Variants in ZFAND3 observed in about 807,000 individuals in gnomAD.
ZFAND3 encodes AN1-type zinc finger protein 3.
In ZFAND3, 10 loss-of-function variants were observed where a neutral mutation model predicts 29.6. The observed-to-expected ratio is 0.34, with a 90% CI of 0.21 to 0.57. ZFAND3 has a LOEUF of 0.57. ZFAND3 is among the 20% of genes least tolerant of loss of function. The probability of loss-of-function intolerance (pLI) is 0.86; values close to 1 mark genes in which losing one functional copy is unlikely to be tolerated. For missense variants in ZFAND3, 230 were observed against 304.5 expected (o/e 0.76, Z 1.82); for synonymous variants, 128 against 112.6 (o/e 1.14, Z -0.87).
rs1204427496 is a variant in ZFAND3, at chr6:38,154,510, CACACA to C, written c.*2122_*2126del. 8.2e-6 allele frequency: 8 copies of C among 979,234 alleles called. No homozygotes were observed. Among genetic ancestry groups the C allele is most frequent in the Non-Finnish European group, 9.7e-6 (8 of 824,082 alleles). The allele number at this position is 979,234 out of a possible 1,614,324, so 60.7% of individuals were successfully genotyped here. On this transcript the variant is annotated 3_prime_UTR_variant, in exon 6 of 6. Coordinates refer to ENST00000287218, the MANE Select transcript of ZFAND3 (RefSeq NM_021943.3). ...CCCTTTTGTGTTCTAGATTTACTTA[CACACA>C]TAGCCTAGAGCTCAGTTTTAGTTTT...
At chr6:38,089,185 C>T (rs1355826331) in intron 4 of ZFAND3, among the ~76,000 whole-genome samples, 3 of 151,832 alleles carry the variant, frequency 2.0e-5, no homozygotes, top group Non-Finnish European at 2.9e-5. Context: ...TACAGTGGTG[C>T]GATCTTGGCA....
At chr6:37,988,750 C>T (rs1762710565) in intron 2 of ZFAND3, among the ~76,000 whole-genome samples, 2 of 152,242 alleles carry the variant, frequency 1.3e-5, no homozygotes, top group South Asian at 4.1e-4. Flanking sequence ...TTCTTAGCTC[C>T]TCCTTTCCTC....
rs546024593 is a variant in ZFAND3 at position 38,051,316 on chromosome 6, T to A, written c.113-10277T>A. On this transcript the variant is annotated intron_variant, in intron 2 of 5. Transcript: ENST00000287218. ...TGGATACAATTATAGAAATAATCAGTGATCTAAAAAGGGGGGTGCTAACCT... is the reference window on the plus strand; with the variant it reads ...TGGATACAATTATAGAAATAATCAGAGATCTAAAAAGGGGGGTGCTAACCT... Among the ~76,000 whole-genome samples the A allele has an allele frequency of 2.0e-5, 3 of 152,344 alleles. No individual in the cohort carries two copies. In the South Asian group the frequency reaches 6.2e-4, roughly 32 times the overall value.
At position 37,860,435 on chromosome 6, in the gene ZFAND3, G is replaced by A. The variant is rs534318640; in HGVS notation, c.71+40419G>A. Among the ~76,000 whole-genome samples, 9 of 152,180 alleles carry A rather than the reference G, an allele frequency of 5.9e-5. No individual in the cohort carries two copies. The South Asian group carries it at 1.0e-3, about 18-fold the overall frequency. ...TTAATGAATTTGCACTCCCCCTGCT[G>A]GCTGACTTTTTAGGAAGACAGTGAG... On this transcript the variant is annotated intron_variant, in intron 1 of 5. Transcript: ENST00000287218.
chr6:38,000,529 G>C (rs1762927916), intron 2 of ZFAND3, among the ~76,000 whole-genome samples: 1 of 152,126 alleles, frequency 6.6e-6, no homozygotes, highest in Non-Finnish European at 1.5e-5. Context: ...GCAGGCAAGA[G>C]AGCTCGTGTA....
chr6:37,877,962 G>T lies in ZFAND3; in HGVS notation c.72-51997G>T, dbSNP rs1473961038. Among the ~76,000 whole-genome samples, 3 of 152,210 alleles carry T rather than the reference G, an allele frequency of 2.0e-5. No individual in the cohort carries two copies. In the East Asian group the frequency reaches 5.8e-4, roughly 29 times the overall value. ...AGATCAATCTGGCTGCTTTCGTGGA[G>T]AACAGATTTTAGAAATGAGGTAGGA... On this transcript the variant is annotated intron_variant, in intron 1 of 5. Coordinates refer to ENST00000287218, the MANE Select transcript of ZFAND3 (RefSeq NM_021943.3).
chr6:37,985,641 C>T (rs1762658635), intron 2 of ZFAND3, among the ~76,000 whole-genome samples: 1 of 152,100 alleles, frequency 6.6e-6, no homozygotes, highest in Non-Finnish European at 1.5e-5. Context: ...GATTGTGTCA[C>T]TGCTCTCCAG....
chr6:38,061,547 G>A, intron 2 of ZFAND3, 46 bp from the exon 3 acceptor site: 9 of 1,605,650 alleles, frequency 5.6e-6, no homozygotes, highest in Non-Finnish European at 7.7e-6. Flanking sequence ...CTAATCCTCA[G>A]AGACTGTGAA....
chr6:37,908,445 C>T (rs1167665518), intron 1 of ZFAND3, among the ~76,000 whole-genome samples: 1 of 151,186 alleles, frequency 6.6e-6, no homozygotes, highest in African/African-American at 2.4e-5. Context: ...TGCTGGTGCG[C>T]TGCACCCACT....
chr6:37,996,459 T>G (rs1762851322), intron 2 of ZFAND3, among the ~76,000 whole-genome samples: 1 of 152,176 alleles, frequency 6.6e-6, no homozygotes. Context: ...ACAGAACTAA[T>G]AGTTTAGCAG....
chr6:38,033,462 C>T (rs1763599964), intron 2 of ZFAND3, among the ~76,000 whole-genome samples: 2 of 152,106 alleles, frequency 1.3e-5, no homozygotes, highest in African/African-American at 4.8e-5. Flanking sequence ...GCAACCTTCC[C>T]CTCGTCACCT....
intron 3 of ZFAND3, among the ~76,000 whole-genome samples, chr6:38,064,492 T>C (rs1764303648): frequency 6.6e-6 from 1 of 152,214 alleles, no homozygotes; most frequent in South Asian, 2.1e-4. Flanking sequence ...GGCATTTGGC[T>C]TCAGAGTTCA....
chr6:38,068,526 G>A (rs1480832671), intron 3 of ZFAND3, among the ~76,000 whole-genome samples: 2 of 152,160 alleles, frequency 1.3e-5, no homozygotes, highest in Non-Finnish European at 2.9e-5. Flanking sequence ...ACAGTGTGCA[G>A]CATAGGTAGG....
chr6:38,017,129 G>A (rs1012878055), intron 2 of ZFAND3, among the ~76,000 whole-genome samples: 4 of 152,218 alleles, frequency 2.6e-5, no homozygotes, highest in Admixed American at 6.5e-5. Context: ...AGTTGTGGGT[G>A]TTTGGCAGGT....
At chr6:38,068,678 T>C (rs1027251716) in intron 3 of ZFAND3, among the ~76,000 whole-genome samples, 2 of 152,204 alleles carry the variant, frequency 1.3e-5, no homozygotes, top group Non-Finnish European at 2.9e-5. Context: ...CCTGCTCTTG[T>C]CTACTGCATC....
intron 4 of ZFAND3, among the ~76,000 whole-genome samples, chr6:38,088,778 T>C (rs911676544): frequency 2.0e-5 from 3 of 152,228 alleles, no homozygotes; most frequent in Non-Finnish European, 4.4e-5. Flanking sequence ...GCTGTGTGTA[T>C]GTTTAAAATG....
intron 4 of ZFAND3, among the ~76,000 whole-genome samples, chr6:38,112,454 AT>A (rs35055676): frequency 0.12 from 17,881 of 152,216 alleles, 1,303 homozygotes; most frequent in East Asian, 0.29. Flanking sequence ...TTAAAGCTGC[AT>A]TGTAAGAGTT....
chr6:38,152,393 C>A lies in ZFAND3; in HGVS notation c.*4C>A. On this transcript the variant is annotated 3_prime_UTR_variant, in exon 6 of 6. Coordinates refer to ENST00000287218, the MANE Select transcript of ZFAND3 (RefSeq NM_021943.3). Reference sequence around the variant, plus strand: ...CATCGGGGAGGGGTGCTCCTGAAGGCCAGGCATGGCCACCACGTGACGCTG... The same window carrying A: ...CATCGGGGAGGGGTGCTCCTGAAGGACAGGCATGGCCACCACGTGACGCTG... The A allele has an allele frequency of 6.4e-7, 1 of 1,569,550 alleles. No homozygotes were observed.
At chr6:37,954,764 T>C (rs561176181) in intron 2 of ZFAND3, among the ~76,000 whole-genome samples, 14 of 152,306 alleles carry the variant, frequency 9.2e-5, no homozygotes, top group African/African-American at 3.4e-4. Context: ...TGGAAACAGT[T>C]TTATCTTTTG....
Sources: allele counts gnomAD v4.1 joint callset (sites outside exome capture counted in the v4.1 genomes callset), GRCh38; gene constraint gnomAD v4.1.1; transcripts MANE v1.5; gene names NCBI Gene and HGNC (gene_info 2026-07-23, HGNC 2026-07-21).